Variants in SGCZ observed in about 807,000 individuals in gnomAD.
The protein encoded by SGCZ is sarcoglycan zeta, also known as zeta-sarcoglycan.
In SGCZ, 40 loss-of-function variants were observed where a neutral mutation model predicts 41.3. The observed-to-expected ratio is 0.97, with a 90% CI of 0.75 to 1.26. The LOEUF is 1.26. Among genes scored for constraint, SGCZ ranks in the 50% most tolerant of loss-of-function variants. The probability of loss-of-function intolerance (pLI) is 0.00; values close to 1 mark genes in which losing one functional copy is unlikely to be tolerated. For missense variants in SGCZ, 552 were observed against 369.8 expected (o/e 1.49, Z -4.04); for synonymous variants, 206 against 137.5 (o/e 1.50, Z -3.49).
intron 2 of SGCZ, among the ~76,000 whole-genome samples, chr8:14,423,402 A>G (rs1017465083): frequency 6.6e-6 from 1 of 152,124 alleles, no homozygotes; most frequent in Non-Finnish European, 1.5e-5. Context: ...CAATAAATTC[A>G]TAGCTATAAT....
At chr8:14,655,043 T>A (rs1158667122) in intron 1 of SGCZ, among the ~76,000 whole-genome samples, 1 of 152,102 alleles carries the variant, frequency 6.6e-6, no homozygotes, top group Non-Finnish European at 1.5e-5. Context: ...ACCTTACATT[T>A]TTTTCCCCAG....
At chr8:15,123,904 C>T (rs191506330) in intron 1 of SGCZ, among the ~76,000 whole-genome samples, 6 of 151,766 alleles carry the variant, frequency 4.0e-5, no homozygotes, top group Non-Finnish European at 7.4e-5. Flanking sequence ...ACAAAGTGAA[C>T]GCTGGAGTGC....
At chr8:14,659,494 T>G (rs1452947149) in intron 1 of SGCZ, among the ~76,000 whole-genome samples, 2 of 152,188 alleles carry the variant, frequency 1.3e-5, no homozygotes, top group Non-Finnish European at 2.9e-5. Flanking sequence ...TTGTTAATAA[T>G]AAAACAAGGA....
intron 1 of SGCZ, among the ~76,000 whole-genome samples, chr8:14,860,994 C>G (rs145772515): frequency 1.1e-4 from 17 of 152,304 alleles, no homozygotes; most frequent in African/African-American, 3.6e-4. Flanking sequence ...ACTGCTGTTT[C>G]TTGCCTTCGC....
chr8:14,579,453 G>A (rs972361632), intron 1 of SGCZ, among the ~76,000 whole-genome samples: 1 of 152,010 alleles, frequency 6.6e-6, no homozygotes, highest in African/African-American at 2.4e-5. Context: ...CATTTTTTCT[G>A]AATCAAGTGA....
At chr8:14,972,030 G>A (rs1441539755) in intron 1 of SGCZ, among the ~76,000 whole-genome samples, 2 of 151,858 alleles carry the variant, frequency 1.3e-5, no homozygotes, top group African/African-American at 4.8e-5. Flanking sequence ...TTTGGTTTCG[G>A]GTTATTACTG....
chr8:14,153,485 T>A (rs1318383130), intron 5 of SGCZ, among the ~76,000 whole-genome samples: 1 of 152,010 alleles, frequency 6.6e-6, no homozygotes, highest in East Asian at 1.9e-4. Flanking sequence ...AAATGATACA[T>A]CCCATAGAGT....
intron 2 of SGCZ, among the ~76,000 whole-genome samples, chr8:14,447,212 T>C (rs1407683273): frequency 6.6e-6 from 1 of 152,166 alleles, no homozygotes; most frequent in African/African-American, 2.4e-5. Flanking sequence ...AGATATTCTG[T>C]TTATTGCAGT....
At chr8:14,213,165 A>G (rs1244325635) in intron 4 of SGCZ, among the ~76,000 whole-genome samples, 2 of 152,148 alleles carry the variant, frequency 1.3e-5, no homozygotes, top group Non-Finnish European at 2.9e-5. Flanking sequence ...AATAGACAAA[A>G]TCTTTCCAAC....
intron 3 of SGCZ, among the ~76,000 whole-genome samples, chr8:14,269,968 T>C (rs1800005731): frequency 6.6e-6 from 1 of 152,158 alleles, no homozygotes; most frequent in African/African-American, 2.4e-5. Flanking sequence ...TAAGGTAAAA[T>C]AAGGATTGGC....
At chr8:15,127,508 T>C (rs1221812545) in intron 1 of SGCZ, among the ~76,000 whole-genome samples, 2 of 152,086 alleles carry the variant, frequency 1.3e-5, no homozygotes, top group Non-Finnish European at 2.9e-5. Context: ...TTACAGGAGG[T>C]TGGGAAAATA....
intron 1 of SGCZ, among the ~76,000 whole-genome samples, chr8:14,927,961 C>G (rs915842181): frequency 2.6e-5 from 4 of 152,146 alleles, no homozygotes; most frequent in Non-Finnish European, 5.9e-5. Flanking sequence ...CTGGATGTCA[C>G]TAAGGTTCAG....
intron 2 of SGCZ, among the ~76,000 whole-genome samples, chr8:14,337,615 A>G (rs531910035): frequency 6.6e-6 from 1 of 152,168 alleles, no homozygotes; most frequent in Non-Finnish European, 1.5e-5. Context: ...AGAGAATGAA[A>G]GTCTCAGGAA....
At chr8:14,241,523 G>A (rs1798890470) in intron 3 of SGCZ, among the ~76,000 whole-genome samples, 3 of 143,350 alleles carry the variant, frequency 2.1e-5, no homozygotes, top group Admixed American at 7.3e-5. Flanking sequence ...TATATAGCAT[G>A]ATATACTAAC....
At chr8:14,286,168 T>G (rs776446939) in intron 3 of SGCZ, among the ~76,000 whole-genome samples, 6 of 152,128 alleles carry the variant, frequency 3.9e-5, no homozygotes, top group Non-Finnish European at 8.8e-5. Flanking sequence ...ATCCTTTGCT[T>G]CCTTGCATGG....
chr8:14,409,137 G>C (rs540032601), intron 2 of SGCZ, among the ~76,000 whole-genome samples: 155 of 152,118 alleles, frequency 1.0e-3, no homozygotes, highest in African/African-American at 3.6e-3. Context: ...GATTATTACA[G>C]AGATATGGTG....
At chr8:14,805,547 G>A (rs928435251) in intron 1 of SGCZ, among the ~76,000 whole-genome samples, 2 of 136,184 alleles carry the variant, frequency 1.5e-5, no homozygotes, top group African/African-American at 5.0e-5. Flanking sequence ...AAATATATAT[G>A]CACCCAATAC....
intron 1 of SGCZ, among the ~76,000 whole-genome samples, chr8:14,967,805 T>C (rs187441583): frequency 6.6e-6 from 1 of 152,168 alleles, no homozygotes; most frequent in Non-Finnish European, 1.5e-5. Context: ...CAAGGAAAAC[T>C]TGGAGTGAAA....
intron 2 of SGCZ, among the ~76,000 whole-genome samples, chr8:14,533,888 T>C (rs1803213539): frequency 6.6e-6 from 1 of 152,002 alleles, no homozygotes; most frequent in African/African-American, 2.4e-5. Flanking sequence ...GGTGACTGAA[T>C]ACCTTCAAAA....
Sources: allele counts gnomAD v4.1 joint callset (sites outside exome capture counted in the v4.1 genomes callset), GRCh38; gene constraint gnomAD v4.1.1; transcripts MANE v1.5; gene names NCBI Gene and HGNC (gene_info 2026-07-23, HGNC 2026-07-21).